Variants in ORAI2 observed in about 807,000 individuals in gnomAD.
The protein encoded by ORAI2 is ORAI calcium release-activated calcium modulator 2.
Under a neutral mutation model 16.2 loss-of-function variants are expected in ORAI2, and 10 were observed. That is an observed-to-expected ratio of 0.62 (90% CI 0.38 to 1.04). ORAI2 has a LOEUF of 1.04. ORAI2 is among the 50% of genes least tolerant of loss of function. The pLI is 0.01. For synonymous variants in ORAI2, 150 were observed against 157.5 expected, an observed-to-expected ratio of 0.95 and a Z score of 0.35; for missense variants, 238 against 355.5, an observed-to-expected ratio of 0.67 and a Z score of 2.66.
At chr7:102,437,132 G>A (rs148213718) in intron 2 of ORAI2, among the ~76,000 whole-genome samples, 8 of 152,258 alleles carry the variant, frequency 5.3e-5, no homozygotes, top group African/African-American at 1.9e-4. Flanking sequence ...TGTTTAATCC[G>A]TGTTAGTCAA....
At chr7:102,443,863 C>G (rs1432352678) in intron 3 of ORAI2, among the ~76,000 whole-genome samples, 1 of 151,778 alleles carries the variant, frequency 6.6e-6, no homozygotes, top group African/African-American at 2.4e-5. Context: ...CCCACCACCA[C>G]GCCCAGCTAA....
intron 3 of ORAI2, among the ~76,000 whole-genome samples, chr7:102,442,578 T>C (rs1797234843): frequency 6.6e-6 from 1 of 152,058 alleles, no homozygotes; most frequent in Non-Finnish European, 1.5e-5. Flanking sequence ...TCCCAGCTAC[T>C]CGGGAGGCTG....
In ORAI2 at chr7:102,448,285, C is replaced by T. The variant is rs1797428145; in HGVS notation, c.*1233C>T. Reference sequence around the variant, plus strand: ...TGAAGGCATCTGGTAGACCCGAAGCCACGCTCTCGGGCCGCACATGCACGC... The same window carrying T: ...TGAAGGCATCTGGTAGACCCGAAGCTACGCTCTCGGGCCGCACATGCACGC... On this transcript the variant is annotated 3_prime_UTR_variant, in exon 4 of 4. Transcript: ENST00000495936. 1 of 152,322 alleles carries T rather than the reference C, an allele frequency of 6.6e-6. No homozygotes were observed. The highest frequency in any genetic ancestry group is 2.1e-4 in the South Asian group (1 of 4,832). The allele number at this position is 152,322 out of a possible 1,614,324, so 9.4% of individuals were successfully genotyped here. A position where few individuals can be genotyped will look rare whatever the true frequency, so the allele number is the denominator to read the frequency against.
At position 102,448,898 on chromosome 7, in the gene ORAI2, C is replaced by A. The variant is rs976873674; in HGVS notation, c.*1846C>A. On this transcript the variant is annotated 3_prime_UTR_variant, in exon 4 of 4. Coordinates refer to ENST00000495936, the MANE Select transcript of ORAI2 (RefSeq NM_001126340.3). ...ACTTTGTCTAAAAAAAAAAAAAAAT[C>A]ACTGGGCTTCTTCATGCTCTGATCA... 1 of 148,488 alleles carries A rather than the reference C, an allele frequency of 6.7e-6. No individual in the cohort carries two copies. The highest frequency in any genetic ancestry group is 6.7e-5 in the Admixed American group (1 of 14,856). The allele number at this position is 148,488 out of a possible 1,614,324, so 9.2% of individuals were successfully genotyped here.
chr7:102,446,367 C>A, intron 3 of ORAI2, 146 bp from the exon 4 acceptor site: 1 of 737,080 alleles, frequency 1.4e-6, no homozygotes, highest in Non-Finnish European at 2.2e-6. Flanking sequence ...GGGCCCAGAA[C>A]ATGGGTGAGT....
intron 3 of ORAI2, among the ~76,000 whole-genome samples, chr7:102,446,168 C>T (rs370723497): frequency 2.7e-4 from 41 of 152,074 alleles, no homozygotes; most frequent in African/African-American, 5.1e-4. Context: ...AGGCTGGTCT[C>T]CAGCTCCTGG....
At position 102,451,987 on chromosome 7, in the gene ORAI2, T is replaced by G. The variant is rs908218685; in HGVS notation, c.*4935T>G. The G allele has an allele frequency of 3.9e-5, 6 of 152,386 alleles. No homozygotes were observed. The highest frequency in any genetic ancestry group is 1.4e-4 in the African/African-American group (6 of 41,572). 9.4% of individuals were successfully genotyped at this position (152,386 alleles called of 1,614,324 possible). A position where few individuals can be genotyped will look rare whatever the true frequency, so the allele number is the denominator to read the frequency against. On this transcript the variant is annotated 3_prime_UTR_variant, in exon 4 of 4. Transcript: ENST00000495936. ...CAGAGCCCACCTGGACAGGGTCAGCTTGGCGTTCCCCCCAGTCCCTTGAGG... is the reference window on the plus strand; with the variant it reads ...CAGAGCCCACCTGGACAGGGTCAGCGTGGCGTTCCCCCCAGTCCCTTGAGG...
At chr7:102,436,007 C>T (rs1334733157) in intron 1 of ORAI2, among the ~76,000 whole-genome samples, 1 of 152,112 alleles carries the variant, frequency 6.6e-6, no homozygotes, top group African/African-American at 2.4e-5. Context: ...GTACCAAGTG[C>T]GCTAAGCACC....
chr7:102,435,533 C>G (rs55995033), intron 1 of ORAI2, among the ~76,000 whole-genome samples: 22,489 of 128,372 alleles, frequency 0.18, 1,861 homozygotes, highest in South Asian at 0.31. Context: ...ATTGCCCCCC[C>G]CTCTTTTTTT....
At position 102,446,939 on chromosome 7, in the gene ORAI2, T is replaced by C. The variant is rs946015117; in HGVS notation, c.652T>C (p.Phe218Leu). The C allele has an allele frequency of 6.2e-7, 1 of 1,612,554 alleles. No individual in the cohort carries two copies. Among genetic ancestry groups the C allele is most frequent in the African/African-American group, 1.3e-5 (1 of 74,932 alleles). The change falls in exon 4 of 4, where the codon TTC becomes CTC. Residue 218 changes from phenylalanine (F) to leucine (L), a missense_variant. Phe to Leu is a conservative substitution (Grantham distance 22). Coordinates refer to ENST00000495936, the MANE Select transcript of ORAI2 (RefSeq NM_001126340.3). Reference sequence around the variant, plus strand: ...CATCTTCGTGGTCTTCACCATCCACTTCTACCGCTCCCTGGTGCGCCACAA... The same window carrying C: ...CATCTTCGTGGTCTTCACCATCCACCTCTACCGCTCCCTGGTGCGCCACAA... ...GLIFVVFTIH[F>L]YRSLVRHKTE...
rs1298835019 is a variant in ORAI2 at position 102,455,159 on chromosome 7, G to A, written c.*8107G>A. On this transcript the variant is annotated 3_prime_UTR_variant, in exon 4 of 4. Coordinates refer to ENST00000495936, the MANE Select transcript of ORAI2 (RefSeq NM_001126340.3). ...ATTGCGCCACTGCACTCCAGCCTGGGCAACAGAGCAAGACCCTGCCCCGCC... is the reference window on the plus strand; with the variant it reads ...ATTGCGCCACTGCACTCCAGCCTGGACAACAGAGCAAGACCCTGCCCCGCC... 2.0e-5 allele frequency: 3 copies of A among 152,370 alleles called. No individual in the cohort carries two copies. The highest frequency in any genetic ancestry group is 6.6e-5 in the Admixed American group (1 of 15,262). The allele number at this position is 152,370 out of a possible 1,614,324, so 9.4% of individuals were successfully genotyped here.
rs1029433257 is a variant in ORAI2, at chr7:102,455,744, C to T, written c.*8692C>T. 1.3e-5 allele frequency: 2 copies of T among 151,048 alleles called. No individual in the cohort carries two copies. The highest frequency in any genetic ancestry group is 2.9e-5 in the Non-Finnish European group (2 of 68,058). The allele number at this position is 151,048 out of a possible 1,614,324, so 9.4% of individuals were successfully genotyped here. On this transcript the variant is annotated 3_prime_UTR_variant, in exon 4 of 4. Coordinates refer to ENST00000495936, the MANE Select transcript of ORAI2 (RefSeq NM_001126340.3). ...GCCGTGATACTGGGAGGAAGCCGGG[C>T]TCTGTGCTCTTGCTCCAAGTGAGTT... is the stretch of plus-strand genomic sequence containing the variant.
Position 102,441,974 on chromosome 7 carries a change from G to A in ORAI2, c.225+2793G>A, listed in dbSNP as rs890207002. On this transcript the variant is annotated intron_variant, in intron 3 of 3. Coordinates refer to ENST00000495936, the MANE Select transcript of ORAI2 (RefSeq NM_001126340.3). ...AGGTACAGATTGCTGGGTAGAGTTCGCCCTTTATAGTGTGTCTTCCCTCAT... is the reference window on the plus strand; with the variant it reads ...AGGTACAGATTGCTGGGTAGAGTTCACCCTTTATAGTGTGTCTTCCCTCAT... Among the ~76,000 whole-genome samples, 13 of 152,088 alleles carry A rather than the reference G, an allele frequency of 8.5e-5. No homozygotes were observed. The South Asian group carries it at 1.0e-3, about 12-fold the overall frequency.
chr7:102,447,387 G>T lies in ORAI2; in HGVS notation c.*335G>T. The T allele has an allele frequency of 3.5e-6, 1 of 289,106 alleles. No homozygotes were observed. Among genetic ancestry groups the T allele is most frequent in the Non-Finnish European group, 6.5e-6 (1 of 154,270 alleles). 17.9% of individuals were successfully genotyped at this position (289,106 alleles called of 1,614,324 possible). A position where few individuals can be genotyped will look rare whatever the true frequency, so the allele number is the denominator to read the frequency against. Reference sequence around the variant, plus strand: ...AAGCAGCACCCAGCGGTCCGGGGGAGTCTCAGACCCGGCATGCGTGGCTGG... The same window carrying T: ...AAGCAGCACCCAGCGGTCCGGGGGATTCTCAGACCCGGCATGCGTGGCTGG... On this transcript the variant is annotated 3_prime_UTR_variant, in exon 4 of 4. Coordinates refer to ENST00000495936, the MANE Select transcript of ORAI2 (RefSeq NM_001126340.3).
chr7:102,441,839 A>G (rs4342524), intron 3 of ORAI2, among the ~76,000 whole-genome samples: 78,414 of 151,786 alleles, frequency 0.52, 21,128 homozygotes, highest in Middle Eastern at 0.74. Context: ...GCATAGCGCC[A>G]TCCGGTCAGA....
intron 3 of ORAI2, among the ~76,000 whole-genome samples, chr7:102,440,590 G>A (rs993648478): frequency 2.6e-5 from 4 of 151,994 alleles, no homozygotes; most frequent in East Asian, 1.9e-4. Context: ...TGGAGAGGGC[G>A]GTGGTGTGAT....
Position 102,455,848 on chromosome 7 carries a change from C to G in ORAI2, c.*8796C>G, listed in dbSNP as rs1000835520. 1.7e-4 allele frequency: 26 copies of G among 152,264 alleles called. No individual in the cohort carries two copies. The highest frequency in any genetic ancestry group is 6.3e-4 in the African/African-American group (26 of 41,462). 9.4% of individuals were successfully genotyped at this position (152,264 alleles called of 1,614,324 possible). On this transcript the variant is annotated 3_prime_UTR_variant, in exon 4 of 4. Coordinates refer to ENST00000495936, the MANE Select transcript of ORAI2 (RefSeq NM_001126340.3). ...GCTGGGCTCTCACAGCCACTAGAAA[C>G]CCATCAGCCTTTCCCCTGGGTCTAT...
intron 1 of ORAI2, among the ~76,000 whole-genome samples, chr7:102,434,939 G>A (rs993898760): frequency 1.2e-4 from 19 of 152,168 alleles, no homozygotes; most frequent in Non-Finnish European, 5.9e-5. Context: ...CATGCAGGCA[G>A]CATCTTGTCT....
At position 102,445,309 on chromosome 7, in the gene ORAI2, T is replaced by G. The variant is rs528731307; in HGVS notation, c.226-1204T>G. Among the ~76,000 whole-genome samples, 585 of 147,630 alleles carry G rather than the reference T, an allele frequency of 4.0e-3. 20 individuals are homozygous for G. Among genetic ancestry groups the G allele is most frequent in the Admixed American group, 0.037 (538 of 14,638 alleles). ...GTTTCCGTTTTTTGTTTTTTTTTTTTGTCAAGATGGGCTGTCACTATGTTG... is the reference window on the plus strand; with the variant it reads ...GTTTCCGTTTTTTGTTTTTTTTTTTGGTCAAGATGGGCTGTCACTATGTTG... On this transcript the variant is annotated intron_variant, in intron 3 of 3. Coordinates refer to ENST00000495936, the MANE Select transcript of ORAI2 (RefSeq NM_001126340.3).
Sources: allele counts gnomAD v4.1 joint callset (sites outside exome capture counted in the v4.1 genomes callset), GRCh38; gene constraint gnomAD v4.1.1; transcripts MANE v1.5; gene names NCBI Gene and HGNC (gene_info 2026-07-23, HGNC 2026-07-21).